The following PIGX variants were observed in gnomAD, a reference collection of about 807,000 sequenced individuals.
PIGX encodes the protein phosphatidylinositol glycan anchor biosynthesis class X.
In PIGX, 24 loss-of-function variants were observed where a neutral mutation model predicts 28.7. That is an observed-to-expected ratio of 0.84 (90% CI 0.60 to 1.17). The LOEUF (loss-of-function observed/expected upper bound fraction) is 1.17. PIGX is among the 50% of genes most tolerant of loss of function. The pLI is 0.00. For synonymous variants in PIGX, 127 were observed against 121.0 expected, an observed-to-expected ratio of 1.05 and a Z score of -0.33; for missense variants, 305 against 317.8, an observed-to-expected ratio of 0.96 and a Z score of 0.31.
intron 5 of PIGX, among the ~76,000 whole-genome samples, chr3:196,732,894 G>GT (rs58486762): frequency 0.016 from 2,454 of 152,254 alleles, 57 homozygotes; most frequent in African/African-American, 0.056. Context: ...TAGAAACTGA[G>GT]TTGAATGTAG....
chr3:196,731,104 T>A lies in PIGX; in HGVS notation c.633+12T>A. The A allele has an allele frequency of 7.1e-7, 1 of 1,399,514 alleles. No homozygotes were observed. Among genetic ancestry groups the A allele is most frequent in the Non-Finnish European group, 1.0e-6 (1 of 986,834 alleles). The allele number at this position is 1,399,514 out of a possible 1,614,324, so 86.7% of individuals were successfully genotyped here. ...TGAAGTATAAATCAGTAAGCTAATG[T>A]TTTATGTTGTTTTTTAGATCATGTG... On this transcript the variant is annotated intron_variant, in intron 5 of 5. Coordinates refer to ENST00000392391, the MANE Select transcript of PIGX (RefSeq NM_017861.4).
At position 196,716,055 on chromosome 3, in the gene PIGX, C is replaced by G. The variant is rs577656649; in HGVS notation, c.113-803C>G. ...AGAGACAAGGTCTCTCTCTGTCACCCAGGCTTGAGTGCAGTGGTATAATCA... is the reference window on the plus strand; with the variant it reads ...AGAGACAAGGTCTCTCTCTGTCACCGAGGCTTGAGTGCAGTGGTATAATCA... On this transcript the variant is annotated intron_variant, in intron 1 of 5. Transcript: ENST00000392391. Among the ~76,000 whole-genome samples, 6 of 152,264 alleles carry G rather than the reference C, an allele frequency of 3.9e-5. No homozygotes were observed. In the East Asian group the frequency reaches 1.2e-3, roughly 29 times the overall value.
At chr3:196,732,628 A>G (rs1712859395) in intron 5 of PIGX, among the ~76,000 whole-genome samples, 1 of 152,020 alleles carries the variant, frequency 6.6e-6, no homozygotes, top group Admixed American at 6.6e-5. Context: ...ATAGGTGGCC[A>G]TTACTAAGGT....
At chr3:196,721,157 C>A in intron 2 of PIGX, 1 of 368,968 alleles carries the variant, frequency 2.7e-6, no homozygotes, top group South Asian at 2.0e-5. Flanking sequence ...TTTTCTGTTA[C>A]ATTCTCTTCT....
intron 1 of PIGX, among the ~76,000 whole-genome samples, chr3:196,713,333 A>C (rs183013397): frequency 1.3e-5 from 2 of 150,692 alleles, no homozygotes; most frequent in Admixed American, 1.3e-4. Context: ...ATGGAGTCTC[A>C]CTCTGTTGCC....
At chr3:196,726,913 G>A in intron 3 of PIGX, 1 of 219,990 alleles carries the variant, frequency 4.5e-6, no homozygotes, top group Non-Finnish European at 9.4e-6. Context: ...TACCTTTGTT[G>A]GGACAGTGGT....
chr3:196,722,508 T>C lies in PIGX; in HGVS notation c.270T>C (p.Tyr90=). 6.2e-7 allele frequency: 1 copy of C among 1,613,702 alleles called. No individual in the cohort carries two copies. Among genetic ancestry groups the C allele is most frequent in the African/African-American group, 1.3e-5 (1 of 75,040 alleles). ...AACAGGACATTCCTGCAGGACTTTA[T>C]GTGGATCCGTATGAGTTGGCTTCAT... The change falls in exon 3 of 6, where the codon TAT becomes TAC. Residue 90 remains tyrosine (Y), a synonymous_variant. Transcript: ENST00000392391.
At chr3:196,732,051 C>A (rs370510296) in intron 5 of PIGX, among the ~76,000 whole-genome samples, 152 of 150,140 alleles carry the variant, frequency 1.0e-3, no homozygotes, top group African/African-American at 3.4e-3. Flanking sequence ...GTCTCAAACT[C>A]CTGACTTCAG....
intron 5 of PIGX, among the ~76,000 whole-genome samples, chr3:196,731,594 G>A (rs754342231): frequency 6.6e-6 from 1 of 152,180 alleles, no homozygotes; most frequent in Non-Finnish European, 1.5e-5. Flanking sequence ...GAAGATGGAT[G>A]ACTCTGCAAT....
In PIGX at chr3:196,734,182, G is replaced by A; in HGVS notation, c.*280G>A. 6.8e-6 allele frequency: 2 copies of A among 295,742 alleles called. No homozygotes were observed. The highest frequency in any genetic ancestry group is 6.2e-6 in the Non-Finnish European group (1 of 160,442). The allele number at this position is 295,742 out of a possible 1,614,324, so 18.3% of individuals were successfully genotyped here. A position where few individuals can be genotyped will look rare whatever the true frequency, so the allele number is the denominator to read the frequency against. Reference sequence around the variant, plus strand: ...GAGAAGTGACTTTATCTTCATTTGGGGTAGAAAAATTATTTCTTTATGTAG... The same window carrying A: ...GAGAAGTGACTTTATCTTCATTTGGAGTAGAAAAATTATTTCTTTATGTAG... On this transcript the variant is annotated 3_prime_UTR_variant, in exon 6 of 6. Transcript: ENST00000392391.
chr3:196,714,937 G>A lies in PIGX; in HGVS notation c.113-1921G>A, dbSNP rs540634754. Among the ~76,000 whole-genome samples the A allele has an allele frequency of 2.5e-3, 379 of 152,196 alleles. 6 individuals are homozygous for A. Among genetic ancestry groups the A allele is most frequent in the African/African-American group, 6.3e-4 (26 of 41,562 alleles). On this transcript the variant is annotated intron_variant, in intron 1 of 5. Transcript: ENST00000392391. ...CTAAAAATACAAGAATTAGCCGGGC[G>A]TAGTGGCGCGTGCCTGTAGTCCCAG...
At chr3:196,721,160 T>C in intron 2 of PIGX, 1 of 378,432 alleles carries the variant, frequency 2.6e-6, no homozygotes, top group African/African-American at 2.2e-5. Context: ...TCTGTTACAT[T>C]CTCTTCTCTT....
chr3:196,719,981 T>C (rs1712250255), intron 2 of PIGX, among the ~76,000 whole-genome samples: 1 of 152,198 alleles, frequency 6.6e-6, no homozygotes, highest in African/African-American at 2.4e-5. Flanking sequence ...GATTTCACCA[T>C]GTTGGCCAGG....
chr3:196,714,126 C>G (rs1433463600), intron 1 of PIGX, among the ~76,000 whole-genome samples: 1 of 152,170 alleles, frequency 6.6e-6, no homozygotes, highest in East Asian at 1.9e-4. Context: ...TAGCAGTCCT[C>G]ACTTCCCACC....
At position 196,733,849 on chromosome 3, in the gene PIGX, T is replaced by C; in HGVS notation, c.724T>C (p.Cys242Arg). Residue 242 changes from cysteine to arginine, a missense_variant, in exon 6 of 6, where the codon TGC (cysteine) becomes CGC (arginine). By Grantham distance (180) the Cys-to-Arg change is radical. Transcript: ENST00000392391. This position sits in a 1 kb window ranked among gnomAD's most constrained non-coding sequence, Gnocchi z 4.3. ...TGTGACTCTGCTCATTACAATCCTG[T>C]GCTCTACATTGATCCTTGTAGCAGT... is the stretch of plus-strand genomic sequence containing the variant. The C allele has an allele frequency of 6.2e-7, 1 of 1,603,406 alleles. No homozygotes were observed. The highest frequency in any genetic ancestry group is 8.5e-7 in the Non-Finnish European group (1 of 1,170,236).
At chr3:196,723,639 T>C (rs1712411064) in intron 3 of PIGX, among the ~76,000 whole-genome samples, 1 of 150,912 alleles carries the variant, frequency 6.6e-6, no homozygotes, top group Non-Finnish European at 1.5e-5. Context: ...TTTTTAATTA[T>C]TGTGGGTACG....
At chr3:196,719,079 AG>A (rs1399053755) in intron 2 of PIGX, among the ~76,000 whole-genome samples, 5 of 151,974 alleles carry the variant, frequency 3.3e-5, no homozygotes, top group African/African-American at 1.2e-4. Flanking sequence ...GATAGCATAT[AG>A]TTCAGGGTGG....
intron 2 of PIGX, among the ~76,000 whole-genome samples, chr3:196,720,013 C>T (rs1712251199): frequency 6.6e-6 from 1 of 152,218 alleles, no homozygotes. Context: ...CTCCTGACCT[C>T]GTGATCCGCC....
intron 3 of PIGX, among the ~76,000 whole-genome samples, chr3:196,725,115 A>G (rs958364624): frequency 2.0e-5 from 3 of 152,170 alleles, no homozygotes; most frequent in Non-Finnish European, 2.9e-5. Flanking sequence ...TATTAAACAT[A>G]TTTTTTCATC....
Sources: gnomAD v4.1 joint callset for allele counts (sites outside exome capture counted in the v4.1 genomes callset) on GRCh38, gnomAD v4.1.1 for gene constraint, Gnocchi (gnomAD v3.1) non-coding constraint, MANE v1.5 for transcripts, NCBI Gene and HGNC (gene_info 2026-07-23, HGNC 2026-07-21) for gene names.